The following TMEM120B variants were observed in gnomAD, a reference collection of about 807,000 sequenced individuals.
TMEM120B encodes the protein transmembrane protein 120B.
In TMEM120B, 31 loss-of-function variants were observed where a neutral mutation model predicts 55.5. The ratio of observed to expected loss-of-function variants is 0.56; its 90% CI spans 0.42 to 0.75. TMEM120B has a LOEUF of 0.75. Among genes scored for constraint, TMEM120B ranks in the 30% least tolerant of loss-of-function variants. The pLI is 0.00. For synonymous variants in TMEM120B, 203 were observed against 176.3 expected (o/e 1.15, Z -1.20); for missense variants, 399 against 425.5 (o/e 0.94, Z 0.55).
chr12:121,779,562 A>T lies in TMEM120B; in HGVS notation c.*3840A>T, dbSNP rs1431661321. ...CGCCTTCTTCAGAGCGCTGAGAGCC[A>T]CCTTGGCGGCCTCCCGGAAGACGTC... On this transcript the variant is annotated 3_prime_UTR_variant, in exon 12 of 12. Coordinates refer to ENST00000449592, the MANE Select transcript of TMEM120B (RefSeq NM_001080825.2). 3 of 1,613,966 alleles carry T rather than the reference A, an allele frequency of 1.9e-6. No individual in the cohort carries two copies. Among genetic ancestry groups the T allele is most frequent in the Non-Finnish European group, 2.5e-6 (3 of 1,180,040 alleles).
Position 121,779,124 on chromosome 12 carries a change from G to A in TMEM120B, c.*3402G>A, listed in dbSNP as rs1874345906. ...GGGACACAGGAGTGGCAGGCTTGGG[G>A]CGCCCGCGTGGAACAGTGCCAGGTC... On this transcript the variant is annotated 3_prime_UTR_variant, in exon 12 of 12. Transcript: ENST00000449592. 1 of 205,858 alleles carries A rather than the reference G, an allele frequency of 4.9e-6. No individual in the cohort carries two copies. Among genetic ancestry groups the A allele is most frequent in the African/African-American group, 2.3e-5 (1 of 43,934 alleles). 12.8% of individuals were successfully genotyped at this position (205,858 alleles called of 1,614,324 possible). A position where few individuals can be genotyped will look rare whatever the true frequency, so the allele number is the denominator to read the frequency against.
At chr12:121,750,812 AACACCCCACACCAACACC>A (rs1474686609) in intron 4 of TMEM120B, among the ~76,000 whole-genome samples, 8 of 90,770 alleles carry the variant, frequency 8.8e-5, no homozygotes, top group African/African-American at 2.6e-4. Context: ...CCCCATACAC[AACACCCCACACCAACACC>A]ACACACCACA....
At chr12:121,758,967 G>A (rs755968251) in intron 5 of TMEM120B, 2 of 985,346 alleles carry the variant, frequency 2.0e-6, no homozygotes, top group African/African-American at 3.5e-5. Flanking sequence ...TCACCATGGA[G>A]GAGGAAAAGG....
In TMEM120B at chr12:121,712,891, G is replaced by C. The variant is rs752027751; in HGVS notation, c.-5G>C. The C allele has an allele frequency of 6.6e-7, 1 of 1,520,376 alleles. No individual in the cohort carries two copies. Among genetic ancestry groups the C allele is most frequent in the East Asian group, 2.7e-5 (1 of 36,826 alleles). 94.2% of individuals were successfully genotyped at this position (1,520,376 alleles called of 1,614,324 possible). On this transcript the variant is annotated 5_prime_UTR_variant, in exon 1 of 12. Transcript: ENST00000449592. ...GCCGGCACCGCCGCCTTGCACCATC[G>C]CATCATGTCCGGGCAGCTGGAGCGT...
chr12:121,714,587 G>A (rs1252363445), intron 1 of TMEM120B, among the ~76,000 whole-genome samples: 1 of 104,926 alleles, frequency 9.5e-6, no homozygotes, highest in Non-Finnish European at 1.8e-5. Context: ...TTTTGAGATA[G>A]AGTCTTGCTC....
intron 2 of TMEM120B, among the ~76,000 whole-genome samples, chr12:121,746,532 T>C (rs79416675): frequency 0.087 from 13,252 of 151,952 alleles, 1,051 homozygotes; most frequent in African/African-American, 0.21. Flanking sequence ...GGGGTCTTGC[T>C]ATGTTAGTCA....
At position 121,773,465 on chromosome 12, in the gene TMEM120B, T is replaced by C. The variant is rs778256281; in HGVS notation, c.724T>C (p.Tyr242His). Residue 242 changes from tyrosine to histidine, a missense_variant, in exon 9 of 12, where the codon TAC becomes CAC. By Grantham distance (83) the Tyr-to-His change is moderately conservative. This residue lies in a region of TMEM120B where 260 missense variants were observed against 303.9 expected (regional missense o/e 0.86). Transcript: ENST00000449592. Reference protein sequence around the residue: ...LQYYYQRGCLYRLRALGERNH... With the variant: ...LQYYYQRGCLHRLRALGERNH... ...ATATTATTACCAGAGGGGCTGCCTC[T>C]ACCGGCTGCGGGCCCTGGGGGAGAG... 4 of 1,609,580 alleles carry C rather than the reference T, an allele frequency of 2.5e-6. No individual in the cohort carries two copies. The highest frequency in any genetic ancestry group is 3.4e-6 in the Non-Finnish European group (4 of 1,177,696).
chr12:121,769,898 A>G (rs912386734), intron 6 of TMEM120B, among the ~76,000 whole-genome samples: 5 of 152,152 alleles, frequency 3.3e-5, no homozygotes, highest in Non-Finnish European at 5.9e-5. Flanking sequence ...AATTGCAGAC[A>G]GTGATCCATG....
Position 121,775,371 on chromosome 12 carries a change from G to C in TMEM120B, c.907-238G>C. 1.1e-6 allele frequency: 1 copy of C among 948,118 alleles called. No homozygotes were observed. The highest frequency in any genetic ancestry group is 1.3e-6 in the Non-Finnish European group (1 of 796,074). The allele number at this position is 948,118 out of a possible 1,614,324, so 58.7% of individuals were successfully genotyped here. A position where few individuals can be genotyped will look rare whatever the true frequency, so the allele number is the denominator to read the frequency against. On this transcript the variant is annotated intron_variant, in intron 11 of 11. Coordinates refer to ENST00000449592, the MANE Select transcript of TMEM120B (RefSeq NM_001080825.2). This position sits in a 1 kb window ranked among gnomAD's most constrained non-coding sequence, Gnocchi z 4.3. ...CGGGAGGCTTCTGGAAGGGCTAGGGGTGGAGCCTCTCCCAATCTGTGGATC... is the reference window on the plus strand; with the variant it reads ...CGGGAGGCTTCTGGAAGGGCTAGGGCTGGAGCCTCTCCCAATCTGTGGATC...
intron 9 of TMEM120B, 108 bp downstream of exon 9, chr12:121,773,621 C>T: frequency 1.2e-6 from 1 of 820,884 alleles, no homozygotes; most frequent in South Asian, 2.0e-5. Flanking sequence ...AGCCAGGCCG[C>T]TGCCCTTTAT....
chr12:121,730,243 G>C (rs1183771293), intron 1 of TMEM120B, among the ~76,000 whole-genome samples: 1 of 149,836 alleles, frequency 6.7e-6, no homozygotes, highest in Non-Finnish European at 1.5e-5. Flanking sequence ...TGGCAACAGA[G>C]TGAGACTCCA....
At position 121,779,851 on chromosome 12, in the gene TMEM120B, C is replaced by T. The variant is rs745497271; in HGVS notation, c.*4129C>T. ...AATGGAGGGCCAGGGCAGTGCAGCC[C>T]GCAGGTTGGAAGAAGCCCTGTCCAG... is the stretch of plus-strand genomic sequence containing the variant. On this transcript the variant is annotated 3_prime_UTR_variant, in exon 12 of 12. Coordinates refer to ENST00000449592, the MANE Select transcript of TMEM120B (RefSeq NM_001080825.2). The T allele has an allele frequency of 1.8e-5, 11 of 622,858 alleles. No homozygotes were observed. The highest frequency in any genetic ancestry group is 2.8e-5 in the Non-Finnish European group (10 of 363,054). 38.6% of individuals were successfully genotyped at this position (622,858 alleles called of 1,614,324 possible). A position where few individuals can be genotyped will look rare whatever the true frequency, so the allele number is the denominator to read the frequency against.
In TMEM120B at chr12:121,736,227, T is replaced by G. The variant is rs186780635; in HGVS notation, c.70-7402T>G. On this transcript the variant is annotated intron_variant, in intron 1 of 11. Coordinates refer to ENST00000449592, the MANE Select transcript of TMEM120B (RefSeq NM_001080825.2). ...TCTCGCTCTGTGGCCCAGGCTGGAG[T>G]GCAGTGGCGTGGTCTCAGCTCACTG... is the stretch of plus-strand genomic sequence containing the variant. Among the ~76,000 whole-genome samples the G allele has an allele frequency of 3.9e-3, 591 of 151,736 alleles. 3 individuals are homozygous for G. Among genetic ancestry groups the G allele is most frequent in the Non-Finnish European group, 6.6e-3 (449 of 67,918 alleles).
At chr12:121,716,129 C>T (rs1894696957) in intron 1 of TMEM120B, among the ~76,000 whole-genome samples, 1 of 151,078 alleles carries the variant, frequency 6.6e-6, no homozygotes, top group Admixed American at 6.7e-5. Context: ...ATAGGGAAAC[C>T]CCTGTCTCTA....
chr12:121,750,311 T>G, intron 3 of TMEM120B, 69 bp from the exon 4 acceptor site: 13 of 1,432,028 alleles, frequency 9.1e-6, no homozygotes, highest in Non-Finnish European at 1.2e-5. Flanking sequence ...TTAAGTGTGT[T>G]GAGTTTGAAT....
At chr12:121,773,318 C>A in intron 8 of TMEM120B, 103 bp from the exon 9 acceptor site, 1 of 1,026,398 alleles carries the variant, frequency 9.7e-7, no homozygotes, top group Non-Finnish European at 1.4e-6. Context: ...CTTTCTGCTT[C>A]TGCCCAGTAA....
chr12:121,766,312 T>C (rs1434427088), intron 6 of TMEM120B, among the ~76,000 whole-genome samples: 2 of 152,156 alleles, frequency 1.3e-5, no homozygotes, highest in Non-Finnish European at 2.9e-5. Context: ...AGTCAGCTCT[T>C]GTAAACTTGA....
chr12:121,739,813 T>C (rs989444702), intron 1 of TMEM120B, among the ~76,000 whole-genome samples: 2 of 148,428 alleles, frequency 1.3e-5, no homozygotes, highest in Non-Finnish European at 3.0e-5. Context: ...TTTTTTTTTT[T>C]TTTTTTTTGA....
rs937280485 is a variant in TMEM120B at position 121,756,843 on chromosome 12, T to C, written c.461+4620T>C. Among the ~76,000 whole-genome samples, 14 of 152,204 alleles carry C rather than the reference T, an allele frequency of 9.2e-5. 1 individual carries two copies. Among genetic ancestry groups the C allele is most frequent in the Non-Finnish European group, 5.9e-5 (4 of 68,044 alleles). On this transcript the variant is annotated intron_variant, in intron 5 of 11. Transcript: ENST00000449592. ...TGGAATCTCAGGGCCTCAGTTCAAATCTGGCTCTGCCTCTTCCCGGCTGTG... is the reference window on the plus strand; with the variant it reads ...TGGAATCTCAGGGCCTCAGTTCAAACCTGGCTCTGCCTCTTCCCGGCTGTG...
Sources: gnomAD v4.1 joint callset for allele counts (sites outside exome capture counted in the v4.1 genomes callset) on GRCh38, gnomAD v4.1.1 for gene constraint, gnomAD v4.1.1 regional missense constraint, Gnocchi (gnomAD v3.1) non-coding constraint, MANE v1.5 for transcripts, NCBI Gene and HGNC (gene_info 2026-07-23, HGNC 2026-07-21) for gene names.